SAMD3: variants seen among roughly 807,000 people sequenced by gnomAD.
SAMD3 encodes sterile alpha motif domain containing 3.
A neutral mutation model predicts 58.5 loss-of-function variants in SAMD3; 63 were observed. The observed-to-expected ratio is 1.08, with a 90% CI of 0.88 to 1.33. SAMD3 has a LOEUF of 1.33. SAMD3 is among the 40% of genes most tolerant of loss of function. The pLI is 0.00. For synonymous variants in SAMD3, 220 were observed against 210.3 expected, an observed-to-expected ratio of 1.05 and a Z score of -0.40; for missense variants, 604 against 608.4, an observed-to-expected ratio of 0.99 and a Z score of 0.08.
At chr6:130,162,691 A>G (rs781310168) in intron 8 of SAMD3, among the ~76,000 whole-genome samples, 1 of 152,116 alleles carries the variant, frequency 6.6e-6, no homozygotes, top group Non-Finnish European at 1.5e-5. Flanking sequence ...TAAAGGCACT[A>G]TGTAAATAAA....
At chr6:130,323,685 C>T (rs1583105758) in intron 1 of SAMD3, among the ~76,000 whole-genome samples, 1 of 151,292 alleles carries the variant, frequency 6.6e-6, no homozygotes, top group East Asian at 2.0e-4. Flanking sequence ...TGCCTGTAAT[C>T]CCAGCTACTC....
chr6:130,325,492 T>C (rs1776727549), intron 1 of SAMD3, among the ~76,000 whole-genome samples: 1 of 152,146 alleles, frequency 6.6e-6, no homozygotes, highest in African/African-American at 2.4e-5. Context: ...CCCACACTCG[T>C]GAGGGCCATC....
chr6:130,356,296 T>G (rs1042558882), intron 1 of SAMD3, among the ~76,000 whole-genome samples: 1 of 152,210 alleles, frequency 6.6e-6, no homozygotes, highest in South Asian at 2.1e-4. Context: ...CAGAACACTC[T>G]AGCTCAGAGT....
At chr6:130,224,268 G>T (rs1164426118), upstream of SAMD3, among the ~76,000 whole-genome samples, 1 of 152,130 alleles carries the variant, frequency 6.6e-6, no homozygotes, top group African/African-American at 2.4e-5. Flanking sequence ...TATAGGCAGA[G>T]GATGGGGGTG....
In SAMD3 at chr6:130,200,214, G is replaced by A. The variant is rs563765548; in HGVS notation, c.383+9281C>T. ...TCTTATCTACTACCATGACATGCAC[G>A]TCAACAAGTCTCACAGAGCTATCAC... On this transcript the variant is annotated intron_variant, in intron 5 of 11. Transcript: ENST00000439090. Among the ~76,000 whole-genome samples, 17 of 152,000 alleles carry A rather than the reference G, an allele frequency of 1.1e-4. No homozygotes were observed. In the South Asian group the frequency reaches 2.5e-3, roughly 22 times the overall value.
At position 130,181,110 on chromosome 6, in the gene SAMD3, C is replaced by A. The variant is rs573924137; in HGVS notation, c.654+2993G>T. On this transcript the variant is annotated intron_variant, in intron 7 of 11. Coordinates refer to ENST00000439090, the MANE Select transcript of SAMD3 (RefSeq NM_001017373.4). Reference sequence around the variant, plus strand: ...TAAAGGTGCCCACCACCATGCCCGGCTAATTTTTGTATTTTTAGTAGAGAG... The same window carrying A: ...TAAAGGTGCCCACCACCATGCCCGGATAATTTTTGTATTTTTAGTAGAGAG... 8.6e-5 allele frequency among the ~76,000 whole-genome samples: 13 copies of A among 151,968 alleles called. 1 individual carries two copies. The South Asian group carries it at 2.5e-3, about 29-fold the overall frequency.
intron 1 of SAMD3, among the ~76,000 whole-genome samples, chr6:130,357,251 A>G (rs1777860628): frequency 6.6e-6 from 1 of 150,552 alleles, no homozygotes; most frequent in African/African-American, 2.4e-5. Flanking sequence ...CAGCCTCCCG[A>G]GTAGCTGGGA....
At position 130,152,358 on chromosome 6, in the gene SAMD3, A is replaced by G. The variant is rs2114572656; in HGVS notation, c.1023+2467T>C. Among the ~76,000 whole-genome samples the G allele has an allele frequency of 2.0e-5, 3 of 152,208 alleles. No individual in the cohort carries two copies. In the Middle Eastern group the frequency reaches 0.01, roughly 518 times the overall value. ...GAGTCAGGGAGGTACTTCCTGGAAA[A>G]ACCGAAAATGATTCGTTCTTTTGTC... On this transcript the variant is annotated intron_variant, in intron 9 of 11. Coordinates refer to ENST00000439090, the MANE Select transcript of SAMD3 (RefSeq NM_001017373.4).
chr6:130,328,371 C>A (rs1776822779), intron 1 of SAMD3, among the ~76,000 whole-genome samples: 1 of 152,166 alleles, frequency 6.6e-6, no homozygotes, highest in African/African-American at 2.4e-5. Flanking sequence ...GAGGCTCTGG[C>A]TAGGGTCCTG....
chr6:130,193,236 C>G (rs1055186119), intron 5 of SAMD3, among the ~76,000 whole-genome samples: 3 of 150,630 alleles, frequency 2.0e-5, no homozygotes, highest in African/African-American at 7.3e-5. Flanking sequence ...CCCTTCTCCG[C>G]CTTTCTGGGG....
intron 2 of SAMD3, among the ~76,000 whole-genome samples, chr6:130,258,822 A>G (rs960735100): frequency 1.3e-5 from 2 of 152,136 alleles, no homozygotes; most frequent in Non-Finnish European, 2.9e-5. Flanking sequence ...ATTTGATGTT[A>G]CCTTTTGATT....
At chr6:130,271,458 C>T (rs542311307) in intron 2 of SAMD3, among the ~76,000 whole-genome samples, 1 of 152,214 alleles carries the variant, frequency 6.6e-6, no homozygotes, top group East Asian at 1.9e-4. Flanking sequence ...TCTTTTCTTA[C>T]CTTTTTAAGA....
intron 1 of SAMD3, among the ~76,000 whole-genome samples, chr6:130,344,014 AC>A (rs1364304380): frequency 6.6e-6 from 1 of 151,364 alleles, no homozygotes; most frequent in African/African-American, 2.4e-5. Flanking sequence ...TACCTCAATA[AC>A]CCCCATAAGA....
rs555319396 is a variant in SAMD3 at position 130,181,981 on chromosome 6, C to T, written c.654+2122G>A. 4.0e-5 allele frequency among the ~76,000 whole-genome samples: 6 copies of T among 150,554 alleles called. No individual in the cohort carries two copies. In the East Asian group the frequency reaches 9.9e-4, roughly 25 times the overall value. On this transcript the variant is annotated intron_variant, in intron 7 of 11. Transcript: ENST00000439090. ...TCGGGAGGCTGAGGCAGGAGAATGG[C>T]GTGAACCCATGAGGCGGAGCTTGCA...
In SAMD3 at chr6:130,239,124, G is replaced by T. The variant is rs551186624; in HGVS notation, c.-187-16311C>A. Reference sequence around the variant, plus strand: ...AACACCTAAGAGATGATGTCTGAGAGAGAGTCATCAAACAACCACCAGAGG... The same window carrying T: ...AACACCTAAGAGATGATGTCTGAGATAGAGTCATCAAACAACCACCAGAGG... On this transcript the variant is annotated intron_variant, in intron 2 of 13. Transcript: ENST00000368134. Among the ~76,000 whole-genome samples, 4 of 152,278 alleles carry T rather than the reference G, an allele frequency of 2.6e-5. No individual in the cohort carries two copies. In the South Asian group the frequency reaches 8.3e-4, roughly 32 times the overall value.
In SAMD3 at chr6:130,203,325, C is replaced by T. The variant is rs1016439878; in HGVS notation, c.383+6170G>A. ...TATTTTACAGATAAGAAAAGTGAGA[C>T]CTAGTAAGGTTATATAACTTGTCCA... On this transcript the variant is annotated intron_variant, in intron 5 of 11. Transcript: ENST00000439090. Among the ~76,000 whole-genome samples the T allele has an allele frequency of 2.6e-5, 4 of 152,222 alleles. No individual in the cohort carries two copies. In the East Asian group the frequency reaches 7.7e-4, roughly 29 times the overall value.
At chr6:130,196,426 A>C (rs1029895710) in intron 5 of SAMD3, among the ~76,000 whole-genome samples, 1 of 152,056 alleles carries the variant, frequency 6.6e-6, no homozygotes, top group Non-Finnish European at 1.5e-5. Context: ...TCATGACTGT[A>C]TCTCTCTGAT....
chr6:130,259,110 G>T (rs1329597362), intron 2 of SAMD3, among the ~76,000 whole-genome samples: 1 of 152,138 alleles, frequency 6.6e-6, no homozygotes, highest in African/African-American at 2.4e-5. Flanking sequence ...TCAGTCTTAG[G>T]TTACTTTCCC....
At chr6:130,302,350 G>C (rs550121769) in intron 2 of SAMD3, among the ~76,000 whole-genome samples, 1 of 152,256 alleles carries the variant, frequency 6.6e-6, no homozygotes, top group South Asian at 2.1e-4. Context: ...CTAATCATCA[G>C]AGAAATGCAA....
Sources: allele counts gnomAD v4.1 joint callset (sites outside exome capture counted in the v4.1 genomes callset), GRCh38; gene constraint gnomAD v4.1.1; transcripts MANE v1.5; gene names NCBI Gene and HGNC (gene_info 2026-07-23, HGNC 2026-07-21).